Variants in JARID2 observed in about 807,000 individuals in gnomAD.
JARID2 encodes jumonji and AT-rich interaction domain containing 2.
JARID2 carries 21 observed loss-of-function variants against 125.6 expected under a neutral mutation model. The observed-to-expected ratio is 0.17, with a 90% CI of 0.12 to 0.24. The LOEUF (loss-of-function observed/expected upper bound fraction) is 0.24, where lower values mean the gene tolerates loss of function less well. Ranked by LOEUF, JARID2 falls within the 10% of genes least tolerant of loss-of-function variation. The probability of loss-of-function intolerance (pLI) is 1.00; values close to 1 mark genes in which losing one functional copy is unlikely to be tolerated. For synonymous variants in JARID2, 736 were observed against 661.6 expected (o/e 1.11, Z -1.73); for missense variants, 1,303 against 1,639.6 (o/e 0.79, Z 3.55).
At chr6:15,409,480 A>G (rs1016228027) in intron 2 of JARID2, among the ~76,000 whole-genome samples, 2 of 152,138 alleles carry the variant, frequency 1.3e-5, no homozygotes, top group South Asian at 2.1e-4. Flanking sequence ...AGGCTTTGTT[A>G]TTCACCCGTT....
intron 2 of JARID2, among the ~76,000 whole-genome samples, chr6:15,376,724 T>C (rs1428796679): frequency 6.6e-6 from 1 of 152,092 alleles, no homozygotes; most frequent in African/African-American, 2.4e-5. Context: ...ACTCTCTCTT[T>C]AAAAAATCAT....
At chr6:15,278,753 T>G (rs1760637389) in intron 1 of JARID2, among the ~76,000 whole-genome samples, 1 of 151,886 alleles carries the variant, frequency 6.6e-6, no homozygotes, top group South Asian at 2.1e-4. Context: ...AGGAATTGAT[T>G]GGAGGACTGG....
chr6:15,403,405 G>T (rs1027092705), intron 2 of JARID2, among the ~76,000 whole-genome samples: 2 of 152,094 alleles, frequency 1.3e-5, no homozygotes, highest in Non-Finnish European at 2.9e-5. Context: ...TACTCATTTG[G>T]GGTCTAGAGA....
At chr6:15,354,356 C>T (rs1261123226) in intron 1 of JARID2, among the ~76,000 whole-genome samples, 1 of 152,180 alleles carries the variant, frequency 6.6e-6, no homozygotes, top group Non-Finnish European at 1.5e-5. Context: ...CTAACACCAC[C>T]AGCACAGTGA....
chr6:15,416,312 G>C (rs1440503449), intron 3 of JARID2, among the ~76,000 whole-genome samples: 4 of 152,168 alleles, frequency 2.6e-5, no homozygotes, highest in East Asian at 1.9e-4. Context: ...CTGCAATCTC[G>C]GCACTTTGGG....
intron 2 of JARID2, among the ~76,000 whole-genome samples, chr6:15,387,112 T>C (rs1266645914): frequency 6.6e-6 from 1 of 152,310 alleles, no homozygotes; most frequent in East Asian, 1.9e-4. Flanking sequence ...TTGGCTTTTT[T>C]CCCCAGAGGC....
At chr6:15,365,076 CAT>C (rs890981131) in intron 1 of JARID2, among the ~76,000 whole-genome samples, 1 of 152,078 alleles carries the variant, frequency 6.6e-6, no homozygotes, top group African/African-American at 2.4e-5. Context: ...AATAAATTAA[CAT>C]AAATTCCCAA....
At chr6:15,332,120 A>T (rs73726551) in intron 1 of JARID2, among the ~76,000 whole-genome samples, 1 of 152,056 alleles carries the variant, frequency 6.6e-6, no homozygotes, top group East Asian at 1.9e-4. Flanking sequence ...TGTCAGAGTG[A>T]GGAAGGAAGG....
At chr6:15,294,703 G>A (rs1255685210) in intron 1 of JARID2, among the ~76,000 whole-genome samples, 1 of 152,156 alleles carries the variant, frequency 6.6e-6, no homozygotes, top group Admixed American at 6.5e-5. Context: ...TGCTCTGTCG[G>A]GAGTCAAGAA....
chr6:15,351,870 C>G (rs868220554), intron 1 of JARID2, among the ~76,000 whole-genome samples: 4 of 152,128 alleles, frequency 2.6e-5, no homozygotes, highest in African/African-American at 4.8e-5. Flanking sequence ...CTCTCCACTC[C>G]CCGCTTCCCT....
intron 1 of JARID2, among the ~76,000 whole-genome samples, chr6:15,371,695 A>G (rs1764177027): frequency 6.6e-6 from 1 of 151,948 alleles, no homozygotes; most frequent in South Asian, 2.1e-4. Flanking sequence ...CTGGTTTTTA[A>G]TCATTTGATT....
At chr6:15,270,257 G>A (rs928883398) in intron 1 of JARID2, among the ~76,000 whole-genome samples, 2 of 152,022 alleles carry the variant, frequency 1.3e-5, no homozygotes, top group Non-Finnish European at 2.9e-5. Flanking sequence ...CTCAGCCTCC[G>A]GAGTAGCTGG....
intron 1 of JARID2, among the ~76,000 whole-genome samples, chr6:15,332,648 T>TG (rs1481439024): frequency 1.3e-5 from 2 of 152,190 alleles, no homozygotes; most frequent in African/African-American, 4.8e-5. Flanking sequence ...TAAGTCCAGC[T>TG]GTCCCCCTTG....
chr6:15,429,055 G>T (rs1766860462), intron 3 of JARID2, among the ~76,000 whole-genome samples: 1 of 151,462 alleles, frequency 6.6e-6, no homozygotes, highest in African/African-American at 2.4e-5. Context: ...ATATGTGATT[G>T]TCTTGCCTGT....
intron 3 of JARID2, among the ~76,000 whole-genome samples, chr6:15,422,046 T>C (rs1766511206): frequency 6.6e-6 from 1 of 150,746 alleles, no homozygotes; most frequent in African/African-American, 2.5e-5. Flanking sequence ...GGAAAAGTTT[T>C]AGCTTATCTT....
At chr6:15,498,891 G>C (rs1016606593) in intron 7 of JARID2, among the ~76,000 whole-genome samples, 5 of 152,212 alleles carry the variant, frequency 3.3e-5, no homozygotes, top group African/African-American at 1.2e-4. Flanking sequence ...ACCGCACCAA[G>C]TCCTCCTGCC....
Position 15,360,192 on chromosome 6 carries a change from A to G in JARID2, c.46-13925A>G, listed in dbSNP as rs1012680074. ...TTCCTTTATAATATTTAATTAATTA[A>G]TTTTTTTTGAGACTGAGTCTCACTG... On this transcript the variant is annotated intron_variant, in intron 1 of 17. Coordinates refer to ENST00000341776, the MANE Select transcript of JARID2 (RefSeq NM_004973.4). Among the ~76,000 whole-genome samples the G allele has an allele frequency of 9.3e-5, 14 of 151,172 alleles. No homozygotes were observed. In the South Asian group the frequency reaches 2.3e-3, roughly 25 times the overall value.
At chr6:15,267,913 A>G (rs549023053) in intron 1 of JARID2, among the ~76,000 whole-genome samples, 55 of 139,386 alleles carry the variant, frequency 3.9e-4, no homozygotes, top group African/African-American at 1.3e-3. Context: ...CATGAAGTGT[A>G]CATCAGCAGC....
intron 1 of JARID2, among the ~76,000 whole-genome samples, chr6:15,370,029 T>G (rs567180169): frequency 1.3e-5 from 2 of 152,272 alleles, no homozygotes; most frequent in Non-Finnish European, 2.9e-5. Flanking sequence ...CAGTGTGACT[T>G]CTGGCACTGG....
Sources: gnomAD v4.1 joint callset for allele counts (sites outside exome capture counted in the v4.1 genomes callset) on GRCh38, gnomAD v4.1.1 for gene constraint, MANE v1.5 for transcripts, NCBI Gene and HGNC (gene_info 2026-07-23, HGNC 2026-07-21) for gene names.